The following MCCC1 variants were observed in gnomAD, a reference collection of about 807,000 sequenced individuals.
MCCC1 encodes the protein methylcrotonoyl-CoA carboxylase subunit alpha, mitochondrial.
A neutral mutation model predicts 83.8 loss-of-function variants in MCCC1; 64 were observed. That is an observed-to-expected ratio of 0.76 (90% CI 0.62 to 0.94). MCCC1 has a LOEUF of 0.94. MCCC1 is among the 40% of genes least tolerant of loss of function. The pLI is 0.00. For synonymous variants in MCCC1, 322 were observed against 315.4 expected, an observed-to-expected ratio of 1.02 and a Z score of -0.22; for missense variants, 807 against 904.7, an observed-to-expected ratio of 0.89 and a Z score of 1.39.
chr3:183,069,483 C>A (rs745619879), intron 7 of MCCC1, among the ~76,000 whole-genome samples: 1 of 152,106 alleles, frequency 6.6e-6, no homozygotes, highest in African/African-American at 2.4e-5. Flanking sequence ...AATGCCCCCC[C>A]CTTTTTTTTT....
chr3:183,085,310 C>T (rs1269836220), intron 4 of MCCC1, among the ~76,000 whole-genome samples: 2 of 151,970 alleles, frequency 1.3e-5, no homozygotes, highest in African/African-American at 4.8e-5. Flanking sequence ...GGCTTTACTC[C>T]CCAGCTTTAA....
intron 1 of MCCC1, among the ~76,000 whole-genome samples, chr3:183,097,923 T>C (rs1718860208): frequency 6.6e-6 from 1 of 152,092 alleles, no homozygotes; most frequent in Admixed American, 6.5e-5. Flanking sequence ...TATTTTTTTA[T>C]TTTTTATTTG....
At chr3:183,092,248 A>G (rs1718412438) in intron 3 of MCCC1, 161 bp downstream of exon 3, 2 of 790,728 alleles carry the variant, frequency 2.5e-6, no homozygotes, top group East Asian at 2.7e-5. Flanking sequence ...AACTGATGTT[A>G]TATCTGAAAA....
chr3:183,030,871 T>TAAA (rs1713011275), intron 14 of MCCC1, among the ~76,000 whole-genome samples: 2 of 152,252 alleles, frequency 1.3e-5, no homozygotes, highest in African/African-American at 4.8e-5. Context: ...AACAGGCTTT[T>TAAA]ACTCTTCTTA....
exon 1 of MCCC1, chr3:183,115,767 G>T (rs1358011231): frequency 2.6e-5 from 4 of 152,328 alleles, no homozygotes; most frequent in African/African-American, 7.2e-5. Context: ...TGGAAGAATC[G>T]CTTGAACCCG....
intron 11 of MCCC1, among the ~76,000 whole-genome samples, chr3:183,039,391 G>A (rs976002460): frequency 1.3e-5 from 2 of 152,198 alleles, no homozygotes; most frequent in Admixed American, 6.5e-5. Context: ...GGCTTTCCCT[G>A]TCCTATCTTC....
At chr3:183,031,747 C>G (rs1329827457) in intron 14 of MCCC1, among the ~76,000 whole-genome samples, 2 of 151,824 alleles carry the variant, frequency 1.3e-5, no homozygotes, top group Admixed American at 6.6e-5. Context: ...ATCCACCTGC[C>G]TCAGCCTCCC....
intron 14 of MCCC1, among the ~76,000 whole-genome samples, chr3:183,032,734 C>T (rs1202184931): frequency 7.2e-5 from 11 of 151,958 alleles, no homozygotes; most frequent in African/African-American, 1.9e-4. Context: ...CTTAGCCGGG[C>T]GTGGTGGTGG....
intron 16 of MCCC1, 122 bp downstream of exon 16, chr3:183,022,295 G>GA: frequency 8.3e-7 from 1 of 1,204,172 alleles, no homozygotes; most frequent in Non-Finnish European, 1.2e-6. Context: ...GAAACTGAGG[G>GA]AAAAAGGTCA....
chr3:183,089,663 T>C (rs1006661987), intron 3 of MCCC1, among the ~76,000 whole-genome samples: 2 of 148,814 alleles, frequency 1.3e-5, no homozygotes, highest in Non-Finnish European at 3.0e-5. Context: ...TGGGAGGGGG[T>C]GGAAAGAAGT....
Position 183,015,511 on chromosome 3 carries a change from C to G in MCCC1, c.2105G>C (p.Gly702Ala). The change falls in exon 19 of 19, where the codon GGT (glycine) becomes GCT (alanine). Residue 702 changes from glycine (G) to alanine (A), a missense_variant. Gly to Ala is a moderately conservative substitution (Grantham distance 60). Coordinates refer to ENST00000265594, the MANE Select transcript of MCCC1 (RefSeq NM_020166.5). Reference protein sequence around the residue: ...GTVKKVFYREGAQANRHTPLV... With the variant: ...GTVKKVFYREAAQANRHTPLV... ...AGGAGTGTGTCTGTTGGCCTGAGCA[C>G]CTTCTCTGTAGAACACTTTCTTTAC... 1 of 1,614,124 alleles carries G rather than the reference C, an allele frequency of 6.2e-7. No individual in the cohort carries two copies. Among genetic ancestry groups the G allele is most frequent in the Non-Finnish European group, 8.5e-7 (1 of 1,179,988 alleles).
At chr3:183,110,324 T>C (rs1470124005) in intron 1 of MCCC1, among the ~76,000 whole-genome samples, 2 of 152,168 alleles carry the variant, frequency 1.3e-5, no homozygotes, top group African/African-American at 4.8e-5. Flanking sequence ...TTGCCAAGGC[T>C]GATGTTCAGA....
intron 3 of MCCC1, among the ~76,000 whole-genome samples, chr3:183,088,208 G>GTTT (rs762153887): frequency 7.2e-6 from 1 of 139,700 alleles, no homozygotes; most frequent in Non-Finnish European, 1.6e-5. Context: ...TTGTTGTTGT[G>GTTT]TGTTTTTTTT....
At chr3:183,097,736 TC>T (rs1718843331) in intron 1 of MCCC1, among the ~76,000 whole-genome samples, 1 of 152,098 alleles carries the variant, frequency 6.6e-6, no homozygotes, top group Non-Finnish European at 1.5e-5. Context: ...CATTAACAAC[TC>T]TAACACTCTC....
chr3:183,047,964 GGTAA>G (rs1560231517), intron 9 of MCCC1, among the ~76,000 whole-genome samples: 2 of 152,224 alleles, frequency 1.3e-5, no homozygotes, highest in Admixed American at 6.5e-5. Context: ...GTAACACAGT[GGTAA>G]GTATTTGTGT....
chr3:183,045,534 A>T lies in MCCC1; in HGVS notation c.962T>A (p.Val321Glu). 6.2e-7 allele frequency: 1 copy of T among 1,613,988 alleles called. No homozygotes were observed. The highest frequency in any genetic ancestry group is 8.5e-7 in the Non-Finnish European group (1 of 1,179,890). The change falls in exon 10 of 19, where the codon GTG becomes GAG. Residue 321 changes from valine (V) to glutamate (E), a missense_variant. By Grantham distance (121) the Val-to-Glu change is moderately radical. Coordinates refer to ENST00000265594, the MANE Select transcript of MCCC1 (RefSeq NM_020166.5). Reference sequence around the variant, plus strand: ...ATGTTTTGAGTCCATAATAAACTCCACAGTCCCTAAAAGGTAAAAAACAAT... The same window carrying T: ...ATGTTTTGAGTCCATAATAAACTCCTCAGTCCCTAAAAGGTAAAAAACAAT... Reference protein sequence around the residue: ...KAVNYVGAGTVEFIMDSKHNF... With the variant: ...KAVNYVGAGTEEFIMDSKHNF...
At chr3:183,114,736 C>T (rs758596602) in intron 1 of MCCC1, among the ~76,000 whole-genome samples, 1 of 152,150 alleles carries the variant, frequency 6.6e-6, no homozygotes, top group Non-Finnish European at 1.5e-5. Context: ...AAAATTGCCT[C>T]GGTTCTGGAA....
At chr3:183,021,757 C>T (rs1452595357) in intron 16 of MCCC1, among the ~76,000 whole-genome samples, 1 of 152,204 alleles carries the variant, frequency 6.6e-6, no homozygotes, top group Non-Finnish European at 1.5e-5. Context: ...TCATCCTCAA[C>T]TCCATATATA....
chr3:183,072,448 C>A lies in MCCC1; in HGVS notation c.409G>T (p.Glu137Ter). The A allele has an allele frequency of 1.2e-6, 2 of 1,613,898 alleles. No individual in the cohort carries two copies. Among genetic ancestry groups the A allele is most frequent in the Non-Finnish European group, 1.7e-6 (2 of 1,179,850 alleles). ...PGCGFLSENMEFAELCKQEGI... is the reference protein window; with the variant it reads ...PGCGFLSENM The stretch of plus-strand genomic sequence containing the variant: ...TCTTGCTTACAAAGTTCAGCAAATT[C>A]CATGTTTTCTGAGAGAAAACCGCAT... Residue 137 changes from glutamate (E) to a stop codon, truncating the protein, a stop_gained, in exon 5 of 19, where the codon GAA (glutamate) becomes TAA (stop). Transcript: ENST00000265594. LOFTEE classifies it high-confidence loss of function.
Sources: gnomAD v4.1 joint callset for allele counts (sites outside exome capture counted in the v4.1 genomes callset) on GRCh38, gnomAD v4.1.1 for gene constraint, MANE v1.5 for transcripts, NCBI Gene and HGNC (gene_info 2026-07-23, HGNC 2026-07-21) for gene names.